The following ADNP variants were observed in gnomAD, a reference collection of about 807,000 sequenced individuals.
The protein encoded by ADNP is activity dependent neuroprotector homeobox, also known as activity-dependent neuroprotector homeobox protein.
A neutral mutation model predicts 84.9 loss-of-function variants in ADNP; 4 were observed. The ratio of observed to expected loss-of-function variants is 0.05; its 90% CI spans 0.02 to 0.11. The LOEUF (loss-of-function observed/expected upper bound fraction) is 0.11. ADNP is among the 10% of genes least tolerant of loss of function. The pLI is 1.00. For synonymous variants in ADNP, 554 were observed against 468.1 expected, an observed-to-expected ratio of 1.18 and a Z score of -2.37; for missense variants, 1,132 against 1,326.0, an observed-to-expected ratio of 0.85 and a Z score of 2.27.
Position 50,893,077 on chromosome 20 carries a change from G to C in ADNP, c.1637C>G (p.Ser546Cys). Reference sequence around the variant, plus strand: ...CAATGTCAAATCAAAACTCAAAGTAGAATCTGTTTTAGGTCCCATCTCTTC... The same window carrying C: ...CAATGTCAAATCAAAACTCAAAGTACAATCTGTTTTAGGTCCCATCTCTTC... ...IDEEMGPKTD[S>C]TLSFDLTLQQ... The change falls in exon 6 of 6, where the codon TCT (serine) becomes TGT (cysteine). Residue 546 changes from serine to cysteine, a missense_variant. By Grantham distance (112) the Ser-to-Cys change is moderately radical (BLOSUM62 -1). Transcript: ENST00000621696. The surrounding 1 kb of genome is among the most constrained non-coding windows in gnomAD (Gnocchi z 4.4). 1 of 1,614,214 alleles carries C rather than the reference G, an allele frequency of 6.2e-7. No homozygotes were observed. The highest frequency in any genetic ancestry group is 8.5e-7 in the Non-Finnish European group (1 of 1,180,046).
intron 4 of ADNP, 79 bp from the exon 5 acceptor site, chr20:50,902,188 T>C (rs1432818516): frequency 4.7e-6 from 5 of 1,066,096 alleles, no homozygotes; most frequent in Non-Finnish European, 7.1e-6. Flanking sequence ...TCTCACCTCT[T>C]AACTAAGATG....
intron 3 of ADNP, chr20:50,904,245 G>C: frequency 2.1e-6 from 1 of 467,688 alleles, no homozygotes; most frequent in Non-Finnish European, 3.9e-6. Context: ...GCAGGCTGGA[G>C]TGCAGTGCAC....
chr20:50,900,680 G>A (rs1018728504), intron 5 of ADNP, among the ~76,000 whole-genome samples: 3 of 152,176 alleles, frequency 2.0e-5, no homozygotes, highest in South Asian at 2.1e-4. Context: ...CAGGGCCCAC[G>A]ATGTTTTAGT....
intron 2 of ADNP, among the ~76,000 whole-genome samples, chr20:50,916,265 T>C (rs1433861636): frequency 1.3e-5 from 2 of 152,188 alleles, no homozygotes; most frequent in Non-Finnish European, 2.9e-5. Flanking sequence ...AAAAAAAAGA[T>C]GCTCTGAAAG....
At chr20:50,924,654 T>C (rs1303495505) in intron 2 of ADNP, among the ~76,000 whole-genome samples, 1 of 152,158 alleles carries the variant, frequency 6.6e-6, no homozygotes, top group Non-Finnish European at 1.5e-5. Flanking sequence ...TATAATACCA[T>C]AAAGGCCAGC....
chr20:50,923,674 C>T (rs562566252), intron 2 of ADNP, among the ~76,000 whole-genome samples: 36 of 152,260 alleles, frequency 2.4e-4, no homozygotes, highest in Admixed American at 2.2e-3. Context: ...AGTGCCACCA[C>T]ACCAGGATAA....
intron 5 of ADNP, among the ~76,000 whole-genome samples, chr20:50,899,867 A>ATT (rs142777741): frequency 0.15 from 20,048 of 131,116 alleles, 2,950 homozygotes; most frequent in African/African-American, 0.38. Flanking sequence ...CAGCTGTACA[A>ATT]TTTTTTTTTT....
intron 2 of ADNP, among the ~76,000 whole-genome samples, chr20:50,905,920 CAGTT>C (rs1430775267): frequency 6.6e-6 from 1 of 152,140 alleles, no homozygotes; most frequent in African/African-American, 2.4e-5. Context: ...TAATTTAAAA[CAGTT>C]AGTACACACT....
Position 50,892,926 on chromosome 20 carries a change from C to T in ADNP, c.1788G>A (p.Lys596=), listed in dbSNP as rs1980947265. 1.2e-6 allele frequency: 2 copies of T among 1,614,072 alleles called. No homozygotes were observed. Among genetic ancestry groups the T allele is most frequent in the Admixed American group, 3.3e-5 (2 of 60,010 alleles). ...CAGGGATATCTGCCTTTTCCTGAAC[C>T]TTTGGCTGTGGCTTTGGAGGAACTG... ...NPPVPPKPQP[K]VQEKADIPVK... is the part of the protein sequence containing the mutation. Residue 596 remains lysine, a synonymous_variant, in exon 6 of 6, where the codon AAG becomes AAA. Coordinates refer to ENST00000621696, the MANE Select transcript of ADNP (RefSeq NM_001282531.3).
At position 50,892,962 on chromosome 20, in the gene ADNP, T is replaced by C. The variant is rs139237825; in HGVS notation, c.1752A>G (p.Gln584=). The change falls in exon 6 of 6, where the codon CAA becomes CAG. Residue 584 remains glutamine (Q), a synonymous_variant. Transcript: ENST00000621696. ...APAESVAYHA[Q]NNPPVPPKPQ... ...GCTTTGGAGGAACTGGAGGATTATT[T>C]TGGGCATGGTAAGCAACAGATTCAG... 123 of 1,614,190 alleles carry C rather than the reference T, an allele frequency of 7.6e-5. No homozygotes were observed. The African/African-American group carries it at 1.5e-3, about 20-fold the overall frequency.
chr20:50,916,455 CT>C (rs1321303793), intron 2 of ADNP, among the ~76,000 whole-genome samples: 1 of 152,190 alleles, frequency 6.6e-6, no homozygotes, highest in African/African-American at 2.4e-5. Flanking sequence ...AGACACGCCC[CT>C]CTTCTCCCAG....
chr20:50,925,912 C>T (rs760579195), intron 2 of ADNP, among the ~76,000 whole-genome samples: 1 of 152,214 alleles, frequency 6.6e-6, no homozygotes, highest in Non-Finnish European at 1.5e-5. Flanking sequence ...ACCAGCTTGG[C>T]CAACATGGCG....
At chr20:50,929,780 T>G (rs111386565) in intron 1 of ADNP, among the ~76,000 whole-genome samples, 57 of 152,160 alleles carry the variant, frequency 3.7e-4, no homozygotes, top group African/African-American at 1.2e-3. Context: ...GGATGGGAAC[T>G]GGGTGTGTGG....
At position 50,892,284 on chromosome 20, in the gene ADNP, C is replaced by T. The variant is rs1005610285; in HGVS notation, c.2430G>A (p.Lys810=). 3.1e-6 allele frequency: 5 copies of T among 1,614,100 alleles called. No individual in the cohort carries two copies. The African/African-American group carries it at 4.0e-5, about 13-fold the overall frequency. The change falls in exon 6 of 6, where the codon AAG becomes AAA. Residue 810 remains lysine (K), a synonymous_variant. Coordinates refer to ENST00000621696, the MANE Select transcript of ADNP (RefSeq NM_001282531.3). ...IASHFSNKRK[K]CVRDCEKYKP... is the part of the protein sequence containing the mutation. ...TGTACTTTTCACAATCACGGACACA[C>T]TTCTTCCTTTTGTTACTAAAATGGG...
At chr20:50,917,412 T>C (rs6096186) in intron 2 of ADNP, among the ~76,000 whole-genome samples, 13,948 of 152,274 alleles carry the variant, frequency 0.092, 692 homozygotes, top group African/African-American at 0.13. Flanking sequence ...CAAGAGTCAC[T>C]AGATAGTCAC....
chr20:50,924,483 A>G (rs1427550262), intron 2 of ADNP, among the ~76,000 whole-genome samples: 1 of 152,226 alleles, frequency 6.6e-6, no homozygotes. Context: ...CTGTGTTGCA[A>G]GCACAGGCCT....
chr20:50,924,357 C>T (rs910424537), intron 2 of ADNP, among the ~76,000 whole-genome samples: 1 of 152,158 alleles, frequency 6.6e-6, no homozygotes, highest in Non-Finnish European at 1.5e-5. Context: ...TACATGTAGA[C>T]GCCATTGGAA....
chr20:50,898,553 A>G (rs1981643965), intron 5 of ADNP, among the ~76,000 whole-genome samples: 1 of 152,218 alleles, frequency 6.6e-6, no homozygotes, highest in South Asian at 2.1e-4. Flanking sequence ...GTTCTTCAAG[A>G]TCATAGCTAT....
intron 2 of ADNP, among the ~76,000 whole-genome samples, chr20:50,919,279 A>G (rs890736177): frequency 8.9e-6 from 1 of 112,542 alleles, no homozygotes; most frequent in Non-Finnish European, 1.7e-5. Context: ...GAAAAAATAC[A>G]TATATTTAAG....
Sources: allele counts gnomAD v4.1 joint callset (sites outside exome capture counted in the v4.1 genomes callset), GRCh38; gene constraint gnomAD v4.1.1; non-coding constraint Gnocchi (gnomAD v3.1); transcripts MANE v1.5; gene names NCBI Gene and HGNC (gene_info 2026-07-23, HGNC 2026-07-21).